LUZP2: variants seen among roughly 807,000 people sequenced by gnomAD.
LUZP2 encodes the protein leucine zipper protein 2.
A neutral mutation model predicts 51.6 loss-of-function variants in LUZP2; 52 were observed. The ratio of observed to expected loss-of-function variants is 1.01; its 90% CI spans 0.81 to 1.27. The LOEUF (loss-of-function observed/expected upper bound fraction) is 1.27. Among genes scored for constraint, LUZP2 ranks in the 50% most tolerant of loss-of-function variants. The pLI is 0.00. For missense variants in LUZP2, 436 were observed against 395.4 expected (o/e 1.10, Z -0.87); for synonymous variants, 154 against 137.3 (o/e 1.12, Z -0.85).
chr11:24,903,894 A>G (rs1431758526), intron 5 of LUZP2, among the ~76,000 whole-genome samples: 2 of 152,214 alleles, frequency 1.3e-5, no homozygotes, highest in Non-Finnish European at 2.9e-5. Context: ...GTGTATACTC[A>G]TTCAGAAAGA....
At position 25,040,563 on chromosome 11, in the gene LUZP2, C is replaced by T. The variant is rs139461454; in HGVS notation, c.766-9475C>T. ...AATAATTAGCTGTATAATCCAAACGCTATTTGATTCTCCTAACTCAGTGGA... is the reference window on the plus strand; with the variant it reads ...AATAATTAGCTGTATAATCCAAACGTTATTTGATTCTCCTAACTCAGTGGA... On this transcript the variant is annotated intron_variant, in intron 9 of 11. Coordinates refer to ENST00000336930, the MANE Select transcript of LUZP2 (RefSeq NM_001009909.4). Among the ~76,000 whole-genome samples, 410 of 152,100 alleles carry T rather than the reference C, an allele frequency of 2.7e-3. 2 individuals carry two copies. Among genetic ancestry groups the T allele is most frequent in the African/African-American group, 9.3e-3 (384 of 41,452 alleles).
chr11:24,947,818 C>A (rs10834551), intron 7 of LUZP2, among the ~76,000 whole-genome samples: 70,023 of 151,432 alleles, frequency 0.46, 16,507 homozygotes, highest in East Asian at 0.74. Context: ...ATGAGAAAGC[C>A]GCTGTTGTTA....
chr11:24,932,863 C>T (rs1691190633), intron 7 of LUZP2, among the ~76,000 whole-genome samples: 1 of 152,176 alleles, frequency 6.6e-6, no homozygotes, highest in Admixed American at 6.5e-5. Flanking sequence ...AGAATTGTTA[C>T]AAAGTACAGC....
intron 1 of LUZP2, among the ~76,000 whole-genome samples, chr11:24,665,015 C>T (rs1030814141): frequency 4.6e-5 from 7 of 152,092 alleles, no homozygotes; most frequent in African/African-American, 1.7e-4. Context: ...ATAGCTTGCA[C>T]CATGTACCTG....
intron 1 of LUZP2, among the ~76,000 whole-genome samples, chr11:24,535,725 C>CT (rs72510099): frequency 0.05 from 6 of 120 alleles, no homozygotes; most frequent in African/African-American, 0.1. Context: ...TTGGAATAAA[C>CT]TCCCAAACTC....
At chr11:24,520,699 A>G (rs1452598773) in intron 1 of LUZP2, among the ~76,000 whole-genome samples, 1 of 152,246 alleles carries the variant, frequency 6.6e-6, no homozygotes. Flanking sequence ...TACCAGAGCC[A>G]GACTAGGCTT....
At chr11:24,932,163 TGAAGA>T (rs1449251950) in intron 7 of LUZP2, among the ~76,000 whole-genome samples, 5 of 152,218 alleles carry the variant, frequency 3.3e-5, no homozygotes, top group Non-Finnish European at 7.3e-5. Flanking sequence ...GAGGTAGCAG[TGAAGA>T]GAAGTGGATT....
chr11:24,770,873 G>C (rs79527623), intron 5 of LUZP2, among the ~76,000 whole-genome samples: 3,650 of 152,210 alleles, frequency 0.024, 166 homozygotes, highest in African/African-American at 0.084. Flanking sequence ...CCACTGATTT[G>C]GCTGTCTTGA....
chr11:24,614,097 A>C (rs75413131), intron 1 of LUZP2, among the ~76,000 whole-genome samples: 27,521 of 151,836 alleles, frequency 0.18, 2,761 homozygotes, highest in African/African-American at 0.26. Context: ...TTAATAAATC[A>C]TAATAGATGC....
intron 1 of LUZP2, among the ~76,000 whole-genome samples, chr11:24,682,044 A>C (rs1000484008): frequency 6.6e-6 from 1 of 152,230 alleles, no homozygotes; most frequent in Non-Finnish European, 1.5e-5. Flanking sequence ...ACATTTTAAA[A>C]AGTTTATCTC....
chr11:24,925,731 AT>A (rs904839888), intron 7 of LUZP2, among the ~76,000 whole-genome samples: 11 of 152,022 alleles, frequency 7.2e-5, no homozygotes, highest in Admixed American at 6.6e-5. Flanking sequence ...TATTTTAATT[AT>A]TTTTTTAATT....
At chr11:24,687,804 G>A (rs573427514) in intron 1 of LUZP2, among the ~76,000 whole-genome samples, 35 of 152,234 alleles carry the variant, frequency 2.3e-4, no homozygotes, top group African/African-American at 8.2e-4. Context: ...AAATATATTT[G>A]AATCAATTAG....
chr11:24,996,844 C>A (rs1055932277), intron 9 of LUZP2, among the ~76,000 whole-genome samples: 6 of 152,014 alleles, frequency 3.9e-5, no homozygotes, highest in African/African-American at 1.5e-4. Context: ...GTTTAATTCC[C>A]ATCTATCAGT....
chr11:25,058,821 C>A (rs1174538169), intron 10 of LUZP2, among the ~76,000 whole-genome samples: 1 of 152,166 alleles, frequency 6.6e-6, no homozygotes, highest in Non-Finnish European at 1.5e-5. Flanking sequence ...CATTCTCAAT[C>A]TTTTGACTTC....
chr11:24,602,820 C>T (rs1216734751), intron 1 of LUZP2, among the ~76,000 whole-genome samples: 1 of 151,532 alleles, frequency 6.6e-6, no homozygotes, highest in Non-Finnish European at 1.5e-5. Context: ...CATTTGATAA[C>T]TTTTTTCTTT....
chr11:24,875,855 G>A (rs1852241176), intron 5 of LUZP2, among the ~76,000 whole-genome samples: 1 of 152,164 alleles, frequency 6.6e-6, no homozygotes, highest in South Asian at 2.1e-4. Context: ...GATAGCCAGT[G>A]ATGGTGAGCA....
intron 5 of LUZP2, among the ~76,000 whole-genome samples, chr11:24,855,984 C>T (rs1471658219): frequency 6.6e-6 from 1 of 152,018 alleles, no homozygotes; most frequent in African/African-American, 2.4e-5. Flanking sequence ...AAATGTAAAA[C>T]CTGTAACTAT....
chr11:24,859,665 T>C (rs1851675982), intron 5 of LUZP2, among the ~76,000 whole-genome samples: 1 of 152,128 alleles, frequency 6.6e-6, no homozygotes, highest in South Asian at 2.1e-4. Context: ...GTCATCAAAA[T>C]GGACTAGAAG....
chr11:24,753,875 T>C (rs1230894350), intron 4 of LUZP2, among the ~76,000 whole-genome samples: 1 of 152,190 alleles, frequency 6.6e-6, no homozygotes. Context: ...TTTCTCATTG[T>C]AATCTTTTAA....
Sources: gnomAD v4.1 joint callset for allele counts (sites outside exome capture counted in the v4.1 genomes callset) on GRCh38, gnomAD v4.1.1 for gene constraint, MANE v1.5 for transcripts, NCBI Gene and HGNC (gene_info 2026-07-23, HGNC 2026-07-21) for gene names.